Variants in CDH12 observed in about 807,000 individuals in gnomAD.
CDH12 encodes the protein cadherin-12.
CDH12 carries 41 observed loss-of-function variants against 74.1 expected under a neutral mutation model. That is an observed-to-expected ratio of 0.55 (90% CI 0.43 to 0.72). The LOEUF (loss-of-function observed/expected upper bound fraction) is 0.72. Among genes scored for constraint, CDH12 ranks in the 30% least tolerant of loss-of-function variants. CDH12 has a pLI of 0.00. For missense variants in CDH12, 945 were observed against 977.2 expected (o/e 0.97, Z 0.44); for synonymous variants, 399 against 355.0 (o/e 1.12, Z -1.39).
Position 21,804,659 on chromosome 5 carries a change from C to T in CDH12, c.1003-2239G>A, listed in dbSNP as rs1283502472. Among the ~76,000 whole-genome samples the T allele has an allele frequency of 2.6e-3, 372 of 142,700 alleles. 12 individuals carry two copies. The highest frequency in any genetic ancestry group is 0.025 in the South Asian group (118 of 4,666). 93.6% of individuals were successfully genotyped at this position (142,700 alleles called of 152,430 possible). A position where few individuals can be genotyped will look rare whatever the true frequency, so the allele number is the denominator to read the frequency against. On this transcript the variant is annotated intron_variant, in intron 9 of 14. Coordinates refer to ENST00000382254, the MANE Select transcript of CDH12 (RefSeq NM_004061.5). ...GTGAATTAAAACACACACACACACA[C>T]ACACACACACACACACACACACACA...
intron 2 of CDH12, among the ~76,000 whole-genome samples, chr5:22,456,217 C>T (rs1295923114): frequency 7.1e-6 from 1 of 141,200 alleles, no homozygotes; most frequent in Non-Finnish European, 1.5e-5. Context: ...CATTACAATG[C>T]TTTTTTTAAA....
At chr5:21,934,943 C>T (rs1343084140) in intron 6 of CDH12, among the ~76,000 whole-genome samples, 1 of 152,136 alleles carries the variant, frequency 6.6e-6, no homozygotes, top group African/African-American at 2.4e-5. Context: ...CCCGCCATCA[C>T]GCCCGGCTAA....
At chr5:22,080,115 C>T (rs541412711) in intron 4 of CDH12, among the ~76,000 whole-genome samples, 28 of 152,168 alleles carry the variant, frequency 1.8e-4, no homozygotes, top group Admixed American at 3.3e-4. Flanking sequence ...AGGCCGAAAA[C>T]GTTGGAAGCC....
intron 6 of CDH12, among the ~76,000 whole-genome samples, chr5:21,907,722 T>C (rs1753702839): frequency 6.6e-6 from 1 of 152,222 alleles, no homozygotes; most frequent in Non-Finnish European, 1.5e-5. Context: ...CTTCTGCTGC[T>C]CTACCTGGCT....
intron 6 of CDH12, among the ~76,000 whole-genome samples, chr5:21,950,757 T>TTTATTTTA (rs1554047074): frequency 7.3e-6 from 1 of 136,988 alleles, no homozygotes; most frequent in South Asian, 2.4e-4. Flanking sequence ...TAAATTTTAT[T>TTTATTTTA]TTATTATTAT....
intron 5 of CDH12, among the ~76,000 whole-genome samples, chr5:22,058,640 A>AGGTGCTTAGG (rs1433374928): frequency 6.6e-6 from 1 of 150,932 alleles, no homozygotes; most frequent in African/African-American, 2.4e-5. Flanking sequence ...GCACCTTTTT[A>AGGTGCTTAGG]ATGTACAAAG....
At chr5:22,140,742 A>T (rs1746743167) in intron 4 of CDH12, among the ~76,000 whole-genome samples, 1 of 152,138 alleles carries the variant, frequency 6.6e-6, no homozygotes, top group Non-Finnish European at 1.5e-5. Flanking sequence ...GTTCTGGGAG[A>T]GTCCCCTTGG....
At chr5:22,742,622 T>A (rs1745083890) in intron 1 of CDH12, among the ~76,000 whole-genome samples, 2 of 152,094 alleles carry the variant, frequency 1.3e-5, no homozygotes, top group Admixed American at 1.3e-4. Flanking sequence ...CAACTAATCA[T>A]AATATGCTGC....
intron 3 of CDH12, among the ~76,000 whole-genome samples, chr5:22,251,414 C>T (rs1337906446): frequency 2.0e-5 from 3 of 152,086 alleles, no homozygotes; most frequent in Non-Finnish European, 4.4e-5. Context: ...TGTAAAAACA[C>T]CAGTGTACAC....
At chr5:22,706,918 C>T (rs971600533) in intron 1 of CDH12, among the ~76,000 whole-genome samples, 11 of 152,140 alleles carry the variant, frequency 7.2e-5, no homozygotes, top group African/African-American at 2.7e-4. Context: ...CCATTACATT[C>T]TTCCTAAGAA....
chr5:22,425,454 G>C (rs1281060221), intron 2 of CDH12, among the ~76,000 whole-genome samples: 1 of 151,308 alleles, frequency 6.6e-6, no homozygotes. Context: ...GTAGCACAGC[G>C]TCATTATATG....
Position 21,972,361 on chromosome 5 carries a change from T to C in CDH12, c.526+2730A>G, listed in dbSNP as rs576634578. Among the ~76,000 whole-genome samples, 9 of 152,264 alleles carry C rather than the reference T, an allele frequency of 5.9e-5. No individual in the cohort carries two copies. The South Asian group carries it at 1.5e-3, about 25-fold the overall frequency. On this transcript the variant is annotated intron_variant, in intron 6 of 14. Coordinates refer to ENST00000382254, the MANE Select transcript of CDH12 (RefSeq NM_004061.5). ...TATCTACAACAGGCAGTAAGATTCG[T>C]CACAACAATTGGTATACTGTCAATA...
intron 6 of CDH12, among the ~76,000 whole-genome samples, chr5:21,926,285 A>G (rs931056328): frequency 1.3e-5 from 2 of 152,202 alleles, no homozygotes; most frequent in African/African-American, 2.4e-5. Context: ...GAGCAATTCA[A>G]TGACATAATT....
intron 4 of CDH12, among the ~76,000 whole-genome samples, chr5:22,117,825 T>G (rs1003718109): frequency 2.7e-5 from 4 of 146,522 alleles, no homozygotes; most frequent in Non-Finnish European, 6.0e-5. Context: ...GTGAAAAAAA[T>G]GTAATGTTAT....
intron 6 of CDH12, among the ~76,000 whole-genome samples, chr5:21,887,170 T>A (rs893954829): frequency 6.6e-6 from 1 of 152,206 alleles, no homozygotes; most frequent in Non-Finnish European, 1.5e-5. Context: ...TTCCATTTTA[T>A]CTTTCTCTCT....
intron 3 of CDH12, among the ~76,000 whole-genome samples, chr5:22,239,941 G>A (rs1752689910): frequency 6.6e-6 from 1 of 152,128 alleles, no homozygotes; most frequent in Non-Finnish European, 1.5e-5. Flanking sequence ...ATTTTCTGCA[G>A]CATATCAAAA....
chr5:22,251,760 C>T (rs142358620), intron 3 of CDH12, among the ~76,000 whole-genome samples: 12 of 152,012 alleles, frequency 7.9e-5, no homozygotes, highest in African/African-American at 2.9e-4. Flanking sequence ...TGGAATTCCT[C>T]TACAATAGAA....
intron 2 of CDH12, among the ~76,000 whole-genome samples, chr5:22,504,421 A>G (rs569753367): frequency 2.0e-5 from 3 of 152,066 alleles, no homozygotes; most frequent in Non-Finnish European, 4.4e-5. Context: ...GCATGCACAG[A>G]GAGTTTGAAA....
chr5:22,302,505 C>T (rs1026829929), intron 3 of CDH12, among the ~76,000 whole-genome samples: 2 of 151,988 alleles, frequency 1.3e-5, no homozygotes, highest in African/African-American at 2.4e-5. Context: ...GAATTTAAAC[C>T]GCTTGCAGGA....
Sources: allele counts gnomAD v4.1 joint callset (sites outside exome capture counted in the v4.1 genomes callset), GRCh38; gene constraint gnomAD v4.1.1; transcripts MANE v1.5; gene names NCBI Gene and HGNC (gene_info 2026-07-23, HGNC 2026-07-21).